Variants in CNTNAP5 observed in about 807,000 individuals in gnomAD.
The protein encoded by CNTNAP5 is contactin-associated protein-like 5.
In CNTNAP5, 72 loss-of-function variants were observed where a neutral mutation model predicts 150.2. The ratio of observed to expected loss-of-function variants is 0.48; its 90% CI spans 0.40 to 0.58. CNTNAP5 has a LOEUF of 0.58. Among genes scored for constraint, CNTNAP5 ranks in the 20% least tolerant of loss-of-function variants. The pLI is 0.00. For missense variants in CNTNAP5, 1,636 were observed against 1,626.2 expected (o/e 1.01, Z -0.10); for synonymous variants, 672 against 619.8 (o/e 1.08, Z -1.25).
In CNTNAP5 at chr2:124,621,953, T is replaced by G. The variant is rs372583122; in HGVS notation, c.1876+12033T>G. Among the ~76,000 whole-genome samples the G allele has an allele frequency of 9.9e-4, 151 of 152,318 alleles. 4 individuals are homozygous for G. The South Asian group carries it at 0.029, about 29-fold the overall frequency. On this transcript the variant is annotated intron_variant, in intron 12 of 23. Coordinates refer to ENST00000682447, the MANE Select transcript of CNTNAP5 (RefSeq NM_001367498.1). ...TGTTTGAAAACACTCTACTTTCTTT[T>G]TTTTTCTTCAACTTTTATTTTAAGT...
chr2:124,694,483 G>A (rs1043996836), intron 13 of CNTNAP5, among the ~76,000 whole-genome samples: 10 of 152,106 alleles, frequency 6.6e-5, no homozygotes, highest in Admixed American at 4.6e-4. Context: ...CTTCATAGCT[G>A]TGTGGTTTGG....
chr2:124,142,813 G>T (rs1469006976), intron 1 of CNTNAP5, among the ~76,000 whole-genome samples: 1 of 150,184 alleles, frequency 6.7e-6, no homozygotes, highest in African/African-American at 2.5e-5. Context: ...AGGAAATAGA[G>T]ACACAAAAAA....
chr2:124,590,095 C>G (rs1161856438), intron 11 of CNTNAP5, among the ~76,000 whole-genome samples: 1 of 152,094 alleles, frequency 6.6e-6, no homozygotes, highest in African/African-American at 2.4e-5. Flanking sequence ...ATTCCACCTT[C>G]TACCAACGGA....
At chr2:124,272,199 A>G (rs1687776500) in intron 3 of CNTNAP5, among the ~76,000 whole-genome samples, 1 of 152,200 alleles carries the variant, frequency 6.6e-6, no homozygotes, top group Admixed American at 6.5e-5. Context: ...AAAATTAAGC[A>G]GCAAAGAAGC....
intron 1 of CNTNAP5, among the ~76,000 whole-genome samples, chr2:124,128,491 A>G (rs1234479523): frequency 1.3e-5 from 2 of 152,206 alleles, no homozygotes; most frequent in Non-Finnish European, 2.9e-5. Context: ...ACCATTGTGG[A>G]AGACAGTGTG....
At chr2:124,685,739 AGT>A (rs374079431) in intron 13 of CNTNAP5, among the ~76,000 whole-genome samples, 1,903 of 130,676 alleles carry the variant, frequency 0.015, 17 homozygotes, top group East Asian at 0.046. Context: ...ATCTAAAGTA[AGT>A]GTGTGTGTGT....
intron 3 of CNTNAP5, among the ~76,000 whole-genome samples, chr2:124,347,123 GATA>G (rs956705523): frequency 6.6e-6 from 1 of 151,938 alleles, no homozygotes; most frequent in Non-Finnish European, 1.5e-5. Context: ...AGTACTGTAA[GATA>G]ATAAATTTGT....
intron 11 of CNTNAP5, among the ~76,000 whole-genome samples, chr2:124,566,057 A>T (rs1696018137): frequency 6.6e-6 from 1 of 151,946 alleles, no homozygotes; most frequent in African/African-American, 2.4e-5. Context: ...GTAAACACCA[A>T]TCTCTAGGTT....
intron 1 of CNTNAP5, among the ~76,000 whole-genome samples, chr2:124,093,509 C>T (rs559376083): frequency 6.6e-6 from 1 of 152,144 alleles, no homozygotes; most frequent in Non-Finnish European, 1.5e-5. Flanking sequence ...TGGTAAATGC[C>T]TGAATATGAA....
chr2:124,162,314 T>C (rs1449062533), intron 1 of CNTNAP5, among the ~76,000 whole-genome samples: 2 of 152,188 alleles, frequency 1.3e-5, no homozygotes, highest in African/African-American at 2.4e-5. Context: ...GTATTGATTA[T>C]TTATAGGTAT....
At chr2:124,873,928 G>A (rs911504432) in intron 21 of CNTNAP5, among the ~76,000 whole-genome samples, 2 of 151,930 alleles carry the variant, frequency 1.3e-5, no homozygotes, top group Admixed American at 6.6e-5. Flanking sequence ...TTTTCTTTTT[G>A]TCTGAGAAAG....
At chr2:124,877,459 CT>C (rs749278418) in intron 21 of CNTNAP5, among the ~76,000 whole-genome samples, 1 of 152,098 alleles carries the variant, frequency 6.6e-6, no homozygotes, top group Non-Finnish European at 1.5e-5. Flanking sequence ...CATTACACAT[CT>C]TTGCCTGACT....
At chr2:124,240,455 T>C (rs537190664) in intron 2 of CNTNAP5, among the ~76,000 whole-genome samples, 1 of 152,162 alleles carries the variant, frequency 6.6e-6, no homozygotes, top group South Asian at 2.1e-4. Flanking sequence ...ACCATGAAAG[T>C]ATGGAAAGCT....
At chr2:124,307,402 C>A (rs1046892742) in intron 3 of CNTNAP5, among the ~76,000 whole-genome samples, 1 of 152,134 alleles carries the variant, frequency 6.6e-6, no homozygotes, top group Non-Finnish European at 1.5e-5. Flanking sequence ...CTTCAACATA[C>A]GATTTGGGGA....
intron 1 of CNTNAP5, among the ~76,000 whole-genome samples, chr2:124,148,919 CAT>C (rs968403169): frequency 7.9e-5 from 12 of 151,792 alleles, no homozygotes; most frequent in South Asian, 4.2e-4. Flanking sequence ...TGTATACACA[CAT>C]ATATGTATGT....
At chr2:124,745,457 G>A (rs1268942620) in intron 13 of CNTNAP5, among the ~76,000 whole-genome samples, 1 of 152,078 alleles carries the variant, frequency 6.6e-6, no homozygotes, top group Non-Finnish European at 1.5e-5. Context: ...CTCATGCTGT[G>A]ATGACCCACC....
At chr2:124,398,616 C>G (rs560585258) in intron 3 of CNTNAP5, among the ~76,000 whole-genome samples, 2 of 152,228 alleles carry the variant, frequency 1.3e-5, no homozygotes, top group South Asian at 2.1e-4. Context: ...CCTGCCTCAG[C>G]CTTTGGAGTA....
intron 19 of CNTNAP5, among the ~76,000 whole-genome samples, chr2:124,802,247 G>A (rs1331186556): frequency 2.0e-5 from 3 of 152,060 alleles, no homozygotes; most frequent in South Asian, 2.1e-4. Flanking sequence ...ATAGTTGAAC[G>A]GGCCAGAGGA....
chr2:124,205,090 G>T (rs1033184545), intron 1 of CNTNAP5, among the ~76,000 whole-genome samples: 3 of 152,150 alleles, frequency 2.0e-5, no homozygotes, highest in Non-Finnish European at 4.4e-5. Context: ...CCAATCCTAA[G>T]TTGGAAACTG....
Sources: gnomAD v4.1 joint callset for allele counts (sites outside exome capture counted in the v4.1 genomes callset) on GRCh38, gnomAD v4.1.1 for gene constraint, MANE v1.5 for transcripts, NCBI Gene and HGNC (gene_info 2026-07-23, HGNC 2026-07-21) for gene names.